The following LSR variants were observed in gnomAD, a reference collection of about 807,000 sequenced individuals.
LSR encodes lipolysis-stimulated lipoprotein receptor.
A neutral mutation model predicts 61.8 loss-of-function variants in LSR; 44 were observed. The ratio of observed to expected loss-of-function variants is 0.71; its 90% CI spans 0.56 to 0.91. The LOEUF is 0.91. Among genes scored for constraint, LSR ranks in the 40% least tolerant of loss-of-function variants. The pLI is 0.00. For synonymous variants in LSR, 397 were observed against 350.6 expected (o/e 1.13, Z -1.48); for missense variants, 911 against 830.5 (o/e 1.10, Z -1.19).
intron 3 of LSR, among the ~76,000 whole-genome samples, chr19:35,260,452 C>T (rs1051225052): frequency 5.3e-5 from 8 of 151,846 alleles, no homozygotes; most frequent in South Asian, 4.2e-4. Context: ...CCACCACACC[C>T]GGCTAATTTT....
chr19:35,255,585 CAAAATT>C (rs1463974063), intron 2 of LSR, among the ~76,000 whole-genome samples: 1 of 151,898 alleles, frequency 6.6e-6, no homozygotes, highest in Non-Finnish European at 1.5e-5. Flanking sequence ...GATCCCATCT[CAAAATT>C]AAAAAACAAC....
At chr19:35,255,933 A>C (rs2065850726) in intron 2 of LSR, among the ~76,000 whole-genome samples, 1 of 152,028 alleles carries the variant, frequency 6.6e-6, no homozygotes, top group African/African-American at 2.4e-5. Flanking sequence ...CTTGATTTTG[A>C]GGTTAATTAA....
chr19:35,254,587 C>T (rs1010870208), intron 2 of LSR, among the ~76,000 whole-genome samples: 3 of 152,216 alleles, frequency 2.0e-5, no homozygotes, highest in African/African-American at 7.2e-5. Flanking sequence ...CCTCCAGCTG[C>T]ACTGCAGCAG....
In LSR at chr19:35,267,207, C is replaced by G; in HGVS notation, c.1243C>G (p.His415Asp). ...GATCCGGGATGAGGAGTGGGGTGGC[C>G]ACTCCCCCCGGAGTCCCAGGGGATG... ...TPIRDEEWGG[H>D]SPRSPRGWDQ... The change falls in exon 9 of 10, where the codon CAC becomes GAC. Residue 415 changes from histidine (H) to aspartate (D), a missense_variant. By Grantham distance (81) the His-to-Asp change is moderately conservative. Transcript: ENST00000605618. 1 of 1,521,034 alleles carries G rather than the reference C, an allele frequency of 6.6e-7. No individual in the cohort carries two copies. Among genetic ancestry groups the G allele is most frequent in the South Asian group, 1.3e-5 (1 of 75,666 alleles). The allele number at this position is 1,521,034 out of a possible 1,614,324, so 94.2% of individuals were successfully genotyped here.
chr19:35,257,723 C>T (rs147955204), intron 2 of LSR, among the ~76,000 whole-genome samples: 83 of 152,294 alleles, frequency 5.4e-4, no homozygotes, highest in African/African-American at 1.8e-3. Flanking sequence ...TCCCCAGTGG[C>T]TTAAGGCAGA....
chr19:35,267,643 A>G lies in LSR; in HGVS notation c.1679A>G (p.Lys560Arg). ...TCGGAGGAGAGGAGGAGACCCCACA[A>G]GGAGGAGGAGGAAGAGGCCTACTAC... The part of the protein sequence containing the change: ...KGSEERRRPH[K>R]EEEEEAYYPP... The change falls in exon 9 of 10, where the codon AAG becomes AGG. Residue 560 changes from lysine to arginine, a missense_variant. By Grantham distance (26) the Lys-to-Arg change is conservative. Transcript: ENST00000605618. The G allele has an allele frequency of 1.2e-6, 2 of 1,609,448 alleles. No homozygotes were observed. The highest frequency in any genetic ancestry group is 1.7e-6 in the Non-Finnish European group (2 of 1,178,284).
chr19:35,264,286 T>G (rs2065968204), intron 5 of LSR: 1 of 151,708 alleles, frequency 6.6e-6, no homozygotes, highest in Admixed American at 6.6e-5. Flanking sequence ...CAGGGGAAGG[T>G]AAGAGAAGAC....
Position 35,259,149 on chromosome 19 carries a change from C to T in LSR, c.574+85C>T, listed in dbSNP as rs1434475266. On this transcript the variant is annotated intron_variant, in intron 3 of 9. Coordinates refer to ENST00000605618, the MANE Select transcript of LSR (RefSeq NM_205834.4). ...TGCCCTCCCCTGTGTCCGCCCTCTG[C>T]CCTCCAGCTTACCCTCTGGGCTCTG... The T allele has an allele frequency of 3.3e-6, 5 of 1,516,266 alleles. No individual in the cohort carries two copies. The African/African-American group carries it at 5.5e-5, about 17-fold the overall frequency. 93.9% of individuals were successfully genotyped at this position (1,516,266 alleles called of 1,614,324 possible).
chr19:35,262,354 G>A (rs1055873358), intron 4 of LSR, among the ~76,000 whole-genome samples, 192 bp from the exon 5 acceptor site: 17 of 152,136 alleles, frequency 1.1e-4, no homozygotes, highest in African/African-American at 3.9e-4. Context: ...GGGAATGGCC[G>A]GGATGGTAGA....
intron 2 of LSR, among the ~76,000 whole-genome samples, chr19:35,255,639 A>G (rs186762163): frequency 1.2e-3 from 188 of 152,262 alleles, no homozygotes; most frequent in African/African-American, 4.3e-3. Context: ...ATGCCTGATC[A>G]TTAGGGTAAG....
chr19:35,258,805 G>C (rs961638935), intron 2 of LSR, 140 bp from the exon 3 acceptor site: 22 of 1,020,156 alleles, frequency 2.2e-5, no homozygotes, highest in Admixed American at 3.7e-5. Context: ...AGGAATCTTT[G>C]CATATGCATT....
At chr19:35,258,906 G>C in intron 2 of LSR, 39 bp from the exon 3 acceptor site, 6 of 1,612,514 alleles carry the variant, frequency 3.7e-6, no homozygotes, top group Non-Finnish European at 5.1e-6. Flanking sequence ...AGGTGCCCCA[G>C]CCTCCAAGGT....
At position 35,266,376 on chromosome 19, in the gene LSR, G is replaced by A. The variant is rs777451932; in HGVS notation, c.796G>A (p.Ala266Thr). 3 of 1,589,182 alleles carry A rather than the reference G, an allele frequency of 1.9e-6. No homozygotes were observed. The highest frequency in any genetic ancestry group is 1.7e-6 in the Non-Finnish European group (2 of 1,167,450). The change falls in exon 6 of 10, where the codon GCA (alanine) becomes ACA (threonine). Residue 266 changes from alanine (A) to threonine (T), a missense_variant. Physicochemically the swap from Ala to Thr is moderately conservative, Grantham distance 58 (BLOSUM62 0). Transcript: ENST00000605618. Reference sequence around the variant, plus strand: ...CCTCACAGTGTATGCCGCCGGCAAAGCAGCCACCTCAGGTGTTCCCAGCAT... The same window carrying A: ...CCTCACAGTGTATGCCGCCGGCAAAACAGCCACCTCAGGTGTTCCCAGCAT... ...CPEALYAAGKAATSGVPSIYA... is the reference protein window; with the variant it reads ...CPEALYAAGKTATSGVPSIYA...
At chr19:35,256,572 A>T (rs890180496) in intron 2 of LSR, among the ~76,000 whole-genome samples, 2 of 152,166 alleles carry the variant, frequency 1.3e-5, no homozygotes. Flanking sequence ...TGACCTCAGG[A>T]TCTCCTGAAA....
Position 35,267,117 on chromosome 19 carries a change from G to A in LSR, c.1153G>A (p.Glu385Lys). 1 of 1,527,630 alleles carries A rather than the reference G, an allele frequency of 6.5e-7. No individual in the cohort carries two copies. Among genetic ancestry groups the A allele is most frequent in the Non-Finnish European group, 8.8e-7 (1 of 1,141,834 alleles). 94.6% of individuals were successfully genotyped at this position (1,527,630 alleles called of 1,614,324 possible). The change falls in exon 9 of 10, where the codon GAA (glutamate) becomes AAA (lysine). Residue 385 changes from glutamate (E) to lysine (K), a missense_variant. By Grantham distance (56) the Glu-to-Lys change is moderately conservative. Transcript: ENST00000605618. ...PSGRVERAMS[E>K]VTSLHEDDWR... ...ACCCCCCTTCCCTGCAGCCATGAGT[G>A]AAGTCACCTCCCTCCACGAGGACGA...
rs915742431 is a variant in LSR at position 35,249,164 on chromosome 19, C to G, written c.109+33C>G. ...GCACGGGGCCTCTGACGCTGCGGAA[C>G]GCCGGAGGGAACTGTAGAGGGGGAT... On this transcript the variant is annotated intron_variant, in intron 1 of 9. Coordinates refer to ENST00000605618, the MANE Select transcript of LSR (RefSeq NM_205834.4). 6 of 1,515,440 alleles carry G rather than the reference C, an allele frequency of 4.0e-6. No individual in the cohort carries two copies. In the African/African-American group the frequency reaches 8.5e-5, roughly 22 times the overall value. The allele number at this position is 1,515,440 out of a possible 1,614,324, so 93.9% of individuals were successfully genotyped here. A position where few individuals can be genotyped will look rare whatever the true frequency, so the allele number is the denominator to read the frequency against.
chr19:35,249,079 AGGCCGGGAC>A lies in LSR; in HGVS notation c.59_67del (p.Gly20_Asp22del). ...GGCTGGGCTCCCACCCGGCCGCCGC[AGGCCGGGAC>A]GCGGTCGTCTTCGTGTGGCTTCTGC... On this transcript the variant is annotated inframe_deletion, in exon 1 of 10. Coordinates refer to ENST00000605618, the MANE Select transcript of LSR (RefSeq NM_205834.4). 6.4e-7 allele frequency: 1 copy of A among 1,561,122 alleles called. No homozygotes were observed.
At chr19:35,249,349 G>A (rs1038862154) in intron 1 of LSR, 35 of 566,808 alleles carry the variant, frequency 6.2e-5, no homozygotes, top group Middle Eastern at 9.2e-4. Flanking sequence ...AAGATAGCAG[G>A]AAGTGAAACT....
intron 3 of LSR, among the ~76,000 whole-genome samples, chr19:35,260,308 T>TTC (rs2065910779): frequency 6.7e-6 from 1 of 149,380 alleles, no homozygotes; most frequent in African/African-American, 2.5e-5. Flanking sequence ...TTTTTTTTTT[T>TTC]TGAGATGGAG....
Sources: allele counts gnomAD v4.1 joint callset (sites outside exome capture counted in the v4.1 genomes callset), GRCh38; gene constraint gnomAD v4.1.1; transcripts MANE v1.5; gene names NCBI Gene and HGNC (gene_info 2026-07-23, HGNC 2026-07-21).